Variants in CEP131 observed in about 807,000 individuals in gnomAD.
CEP131 encodes centrosomal protein 131, also known as centrosomal protein of 131 kDa.
CEP131 carries 99 observed loss-of-function variants against 136.8 expected under a neutral mutation model. That is an observed-to-expected ratio of 0.72 (90% CI 0.62 to 0.86). CEP131 has a LOEUF of 0.86. Ranked by LOEUF, CEP131 falls within the 40% of genes least tolerant of loss-of-function variation. The probability of loss-of-function intolerance (pLI) is 0.00; values close to 1 mark genes in which losing one functional copy is unlikely to be tolerated. For synonymous variants in CEP131, 646 were observed against 612.7 expected, an observed-to-expected ratio of 1.05 and a Z score of -0.80; for missense variants, 1,459 against 1,463.0, an observed-to-expected ratio of 1.00 and a Z score of 0.04.
In CEP131 at chr17:81,196,916, GC is replaced by G; in HGVS notation, c.1773+13del. ...GCTAGCAGGGCCCGGGATTAGCAGT[GC>G]CAGCAGCGTTACCAGCGCTCTCTGC... On this transcript the variant is annotated intron_variant, in intron 14 of 25. Coordinates refer to ENST00000450824, the MANE Select transcript of CEP131 (RefSeq NM_014984.4). The G allele has an allele frequency of 6.2e-7, 1 of 1,608,938 alleles. No homozygotes were observed. The highest frequency in any genetic ancestry group is 2.2e-5 in the East Asian group (1 of 44,734).
At chr17:81,213,783 C>T (rs1306109123) in intron 2 of CEP131, among the ~76,000 whole-genome samples, 1 of 152,168 alleles carries the variant, frequency 6.6e-6, no homozygotes, top group Admixed American at 6.5e-5. Flanking sequence ...CCAAGGCCAG[C>T]AGCATCACCA....
In CEP131 at chr17:81,199,459, C is replaced by T. The variant is rs2061841611; in HGVS notation, c.1114G>A (p.Gly372Arg). The T allele has an allele frequency of 6.2e-7, 1 of 1,608,472 alleles. No individual in the cohort carries two copies. Among genetic ancestry groups the T allele is most frequent in the Admixed American group, 1.7e-5 (1 of 59,502 alleles). ...AGCTCCTGAGCAGGCTGCCGCATTC[C>T]TGGCACTCTGGTCTCCCTGGGATTC... ...PENPRETRVP[G>R]MRQPAQELSP... is the part of the protein sequence containing the mutation. The change falls in exon 10 of 26, where the codon GGA becomes AGA. Residue 372 changes from glycine to arginine, a missense_variant. By Grantham distance (125) the Gly-to-Arg change is moderately radical. Coordinates refer to ENST00000450824, the MANE Select transcript of CEP131 (RefSeq NM_014984.4).
Position 81,218,001 on chromosome 17 carries a change from TTCTCCC to T in CEP131, c.177+1873_177+1878del, listed in dbSNP as rs528967670. On this transcript the variant is annotated intron_variant, in intron 2 of 25. Transcript: ENST00000450824. ...AGAGCTGCAATTTCTTTCTTTCTCC[TTCTCCC>T]TCTCCCTCTCCCTCCCCCTCCCCCT... Among the ~76,000 whole-genome samples, 275 of 152,002 alleles carry T rather than the reference TTCTCCC, an allele frequency of 1.8e-3. 1 individual carries two copies. The highest frequency in any genetic ancestry group is 5.0e-3 in the African/African-American group (209 of 41,426).
At chr17:81,193,858 C>T in intron 18 of CEP131, 68 bp downstream of exon 18, 1 of 1,491,510 alleles carries the variant, frequency 6.7e-7, no homozygotes, top group Non-Finnish European at 9.0e-7. Context: ...AACTCCACTC[C>T]AGCCTTCGAG....
chr17:81,202,821 C>T (rs548115771), intron 6 of CEP131, among the ~76,000 whole-genome samples: 6 of 152,072 alleles, frequency 3.9e-5, no homozygotes, highest in East Asian at 1.9e-4. Flanking sequence ...AAAATTCGCT[C>T]GGCATGGTGG....
Position 81,199,744 on chromosome 17 carries a change from C to T in CEP131, c.998G>A (p.Arg333His), listed in dbSNP as rs2061848129. Reference protein sequence around the residue: ...ARRKAREEKARQARRAAIQEL... With the variant: ...ARRKAREEKAHQARRAAIQEL... The stretch of plus-strand genomic sequence containing the variant: ...CTGAATGGCTGCTCGCCTGGCTTGG[C>T]GTGCCTTCTCCTCCCGGGCCTTCCT... Residue 333 changes from arginine to histidine, a missense_variant, in exon 9 of 26, where the codon CGC becomes CAC. Arg to His is a conservative substitution (Grantham distance 29). Coordinates refer to ENST00000450824, the MANE Select transcript of CEP131 (RefSeq NM_014984.4). 1.2e-6 allele frequency: 2 copies of T among 1,610,390 alleles called. No individual in the cohort carries two copies. The highest frequency in any genetic ancestry group is 8.5e-7 in the Non-Finnish European group (1 of 1,179,978).
intron 21 of CEP131, among the ~76,000 whole-genome samples, chr17:81,191,603 T>C (rs2061644214): frequency 6.6e-6 from 1 of 152,172 alleles, no homozygotes; most frequent in South Asian, 2.1e-4. Flanking sequence ...GGCCACCTTC[T>C]GCTACCAGAT....
chr17:81,193,990 G>A lies in CEP131; in HGVS notation c.2257C>T (p.Arg753Trp), dbSNP rs769897028. The A allele has an allele frequency of 1.1e-5, 17 of 1,551,160 alleles. No individual in the cohort carries two copies. In the East Asian group the frequency reaches 1.4e-4, roughly 13 times the overall value. Residue 753 changes from arginine to tryptophan, a missense_variant, in exon 18 of 26, where the codon CGG becomes TGG. Transcript: ENST00000450824. ...TCCTTCTCCCGCTCCAGCTGCTCCC[G>A]CAGCTCCTCGGCCTGGCGCAGGCAG... ...QRCLRQAEEL[R>W]EQLEREKEAL... is the part of the protein sequence containing the mutation.
Position 81,197,668 on chromosome 17 carries a change from G to A in CEP131, c.1647+44C>T, listed in dbSNP as rs748270770. Reference sequence around the variant, plus strand: ...AGGGCCAGGTGCAGGCTCGTGAGGGGCCTCCTCCCACTGGGGGCCGGGTGC... The same window carrying A: ...AGGGCCAGGTGCAGGCTCGTGAGGGACCTCCTCCCACTGGGGGCCGGGTGC... On this transcript the variant is annotated intron_variant, in intron 13 of 25. Coordinates refer to ENST00000450824, the MANE Select transcript of CEP131 (RefSeq NM_014984.4). 5.7e-6 allele frequency: 9 copies of A among 1,572,556 alleles called. No individual in the cohort carries two copies. In the South Asian group the frequency reaches 9.2e-5, roughly 16 times the overall value.
Position 81,194,770 on chromosome 17 carries a change from T to C in CEP131, c.2119+100A>G. 9 of 996,470 alleles carry C rather than the reference T, an allele frequency of 9.0e-6. No individual in the cohort carries two copies. In the South Asian group the frequency reaches 1.1e-4, roughly 13 times the overall value. 61.7% of individuals were successfully genotyped at this position (996,470 alleles called of 1,614,324 possible). ...GTGTTCACCTCTGCCCAGGAAGGTC[T>C]CGGACTACATGAATGCCTGAAGTTA... On this transcript the variant is annotated intron_variant, in intron 17 of 25. Coordinates refer to ENST00000450824, the MANE Select transcript of CEP131 (RefSeq NM_014984.4).
At position 81,198,198 on chromosome 17, in the gene CEP131, T is replaced by A; in HGVS notation, c.1387A>T (p.Thr463Ser). 6.3e-7 allele frequency: 1 copy of A among 1,589,820 alleles called. No individual in the cohort carries two copies. The highest frequency in any genetic ancestry group is 1.1e-5 in the South Asian group (1 of 87,958). Residue 463 changes from threonine to serine, a missense_variant, in exon 12 of 26, where the codon ACA becomes TCA. Transcript: ENST00000450824. ...GGCTCCTTCTCCAGCAGCTGCAGTGTGTGCAGCAGCTCCTCCAGTGGCCCC... is the reference window on the plus strand; with the variant it reads ...GGCTCCTTCTCCAGCAGCTGCAGTGAGTGCAGCAGCTCCTCCAGTGGCCCC... The part of the protein sequence containing the change: ...SRGPLEELLH[T>S]LQLLEKEPDV...
At chr17:81,207,468 C>T in intron 3 of CEP131, among the ~76,000 whole-genome samples, 1 of 150,966 alleles carries the variant, frequency 6.6e-6, no homozygotes. Flanking sequence ...TCACACCGAT[C>T]ACAGTTTCTG....
chr17:81,205,970 C>G (rs769740321), intron 5 of CEP131, among the ~76,000 whole-genome samples: 9 of 152,094 alleles, frequency 5.9e-5, no homozygotes, highest in Non-Finnish European at 1.2e-4. Flanking sequence ...CTTTGGGAGG[C>G]CAAGGCGGGT....
rs772684581 is a variant in CEP131 at position 81,189,720 on chromosome 17, CCT to C, written c.*47_*48del. The C allele has an allele frequency of 1.8e-5, 28 of 1,538,898 alleles. No individual in the cohort carries two copies. The highest frequency in any genetic ancestry group is 1.6e-4 in the South Asian group (13 of 80,274). ...TGTGGGCCTCTGGGCCCACGTCCAG[CCT>C]CTGTCCTCTGCCTTCCGTTCTTCGA... On this transcript the variant is annotated 3_prime_UTR_variant, in exon 26 of 26. Coordinates refer to ENST00000450824, the MANE Select transcript of CEP131 (RefSeq NM_014984.4).
In CEP131 at chr17:81,219,118, GCCC is replaced by G. The variant is rs1438502690; in HGVS notation, c.177+759_177+761del. On this transcript the variant is annotated intron_variant, in intron 2 of 25. Transcript: ENST00000450824. This position sits in a 1 kb window ranked among gnomAD's most constrained non-coding sequence, Gnocchi z 4.0. ...CAGCAGGCCCGGCCTGCCTTTCACA[GCCC>G]CCATCTGGGAACCACCCACCCTCCT... 6.6e-6 allele frequency among the ~76,000 whole-genome samples: 1 copy of G among 152,072 alleles called. No individual in the cohort carries two copies. The highest frequency in any genetic ancestry group is 1.5e-5 in the Non-Finnish European group (1 of 68,004).
In CEP131 at chr17:81,197,338, C is replaced by T. The variant is rs929127419; in HGVS notation, c.1648-283G>A. The T allele has an allele frequency of 2.9e-5, 16 of 549,988 alleles. No individual in the cohort carries two copies. In the East Asian group the frequency reaches 3.5e-4, roughly 12 times the overall value. 34.1% of individuals were successfully genotyped at this position (549,988 alleles called of 1,614,324 possible). A position where few individuals can be genotyped will look rare whatever the true frequency, so the allele number is the denominator to read the frequency against. On this transcript the variant is annotated intron_variant, in intron 13 of 25. Coordinates refer to ENST00000450824, the MANE Select transcript of CEP131 (RefSeq NM_014984.4). Reference sequence around the variant, plus strand: ...TGTGACAATAAAGTTCACGTCACTGCTCCATTTAGCCTGGCCGCTAGTGTT... The same window carrying T: ...TGTGACAATAAAGTTCACGTCACTGTTCCATTTAGCCTGGCCGCTAGTGTT...
At chr17:81,220,651 C>A (rs1256224572) in intron 1 of CEP131, among the ~76,000 whole-genome samples, 2 of 151,980 alleles carry the variant, frequency 1.3e-5, no homozygotes, top group Non-Finnish European at 2.9e-5. Context: ...CCCGCCACCA[C>A]GCCTGGCTAA....
Position 81,191,053 on chromosome 17 carries a change from C to T in CEP131, c.2797G>A (p.Glu933Lys), listed in dbSNP as rs146524383. The change falls in exon 23 of 26, where the codon GAG (glutamate) becomes AAG (lysine). Residue 933 changes from glutamate to lysine, a missense_variant. By Grantham distance (56) the Glu-to-Lys change is moderately conservative (BLOSUM62 1). Around this residue, in one of 3 missense-constraint regions of CEP131, gnomAD observed 1,026 missense variants for 964.2 expected, o/e 1.06. Coordinates refer to ENST00000450824, the MANE Select transcript of CEP131 (RefSeq NM_014984.4). ...TCCGACTGCTCCAGCTCGGAGAGCTCGGCCTCGTACTTGTCCCGTAAGCGC... is the reference window on the plus strand; with the variant it reads ...TCCGACTGCTCCAGCTCGGAGAGCTTGGCCTCGTACTTGTCCCGTAAGCGC... ...IKRLRDKYEA[E>K]LSELEQSERK... 75 of 1,607,806 alleles carry T rather than the reference C, an allele frequency of 4.7e-5. No individual in the cohort carries two copies. The highest frequency in any genetic ancestry group is 1.7e-4 in the Middle Eastern group (1 of 6,048).
rs2061744544 is a variant in CEP131 at position 81,195,917 on chromosome 17, C to A, written c.1934G>T (p.Cys645Phe). The stretch of plus-strand genomic sequence containing the variant: ...CTTCAGCTCGGCCACCACAGCCTCG[C>A]ACTTTTCACTCAGGACCTTCTTGTC... ...IEDKKVLSEK[C>F]EAVVAELKQE... Residue 645 changes from cysteine to phenylalanine, a missense_variant, in exon 16 of 26, where the codon TGC becomes TTC. Cys to Phe is a radical substitution (Grantham distance 205). This residue lies in a region of CEP131 where 1,026 missense variants were observed against 964.2 expected (regional missense o/e 1.06). Transcript: ENST00000450824. 1 of 1,610,260 alleles carries A rather than the reference C, an allele frequency of 6.2e-7. No homozygotes were observed. The highest frequency in any genetic ancestry group is 8.5e-7 in the Non-Finnish European group (1 of 1,179,914).
Sources: gnomAD v4.1 joint callset for allele counts (sites outside exome capture counted in the v4.1 genomes callset) on GRCh38, gnomAD v4.1.1 for gene constraint, gnomAD v4.1.1 regional missense constraint, Gnocchi (gnomAD v3.1) non-coding constraint, MANE v1.5 for transcripts, NCBI Gene and HGNC (gene_info 2026-07-23, HGNC 2026-07-21) for gene names.